The following SORCS3 variants were observed in gnomAD, a reference collection of about 807,000 sequenced individuals.
SORCS3 encodes sortilin related VPS10 domain containing receptor 3.
In SORCS3, 57 loss-of-function variants were observed where a neutral mutation model predicts 146.3. That is an observed-to-expected ratio of 0.39 (90% CI 0.31 to 0.49). SORCS3 has a LOEUF of 0.49. Ranked by LOEUF, SORCS3 falls within the 20% of genes least tolerant of loss-of-function variation. The probability of loss-of-function intolerance (pLI) is 0.92; values close to 1 mark genes in which losing one functional copy is unlikely to be tolerated. For missense variants in SORCS3, 1,341 were observed against 1,575.5 expected (o/e 0.85, Z 2.52); for synonymous variants, 653 against 618.5 (o/e 1.06, Z -0.83).
chr10:105,022,230 T>C (rs1209230183), intron 4 of SORCS3, among the ~76,000 whole-genome samples: 1 of 152,130 alleles, frequency 6.6e-6, no homozygotes, highest in Non-Finnish European at 1.5e-5. Flanking sequence ...TCTCATCAAT[T>C]TTACAAATCT....
intron 2 of SORCS3, among the ~76,000 whole-genome samples, chr10:104,843,415 A>G (rs537356473): frequency 4.7e-4 from 71 of 152,344 alleles, no homozygotes; most frequent in Non-Finnish European, 8.7e-4. Context: ...CTGTTTTACC[A>G]CTGCGTTGGT....
At chr10:104,864,966 C>A (rs2018444367) in intron 2 of SORCS3, among the ~76,000 whole-genome samples, 1 of 152,172 alleles carries the variant, frequency 6.6e-6, no homozygotes, top group African/African-American at 2.4e-5. Flanking sequence ...AGTATCTCTT[C>A]CCCAGAGAGG....
intron 2 of SORCS3, among the ~76,000 whole-genome samples, chr10:104,881,615 A>G (rs1207877406): frequency 6.6e-6 from 1 of 152,180 alleles, no homozygotes; most frequent in Non-Finnish European, 1.5e-5. Context: ...TAAGAATGGA[A>G]GGGTGGGTAT....
chr10:105,099,215 C>T (rs1372915807), intron 6 of SORCS3, among the ~76,000 whole-genome samples: 1 of 152,128 alleles, frequency 6.6e-6, no homozygotes, highest in Admixed American at 6.5e-5. Flanking sequence ...CTTGTTTTCA[C>T]TTATTTTCAT....
chr10:105,046,571 A>G (rs1448294277), intron 5 of SORCS3, among the ~76,000 whole-genome samples: 2 of 152,134 alleles, frequency 1.3e-5, no homozygotes, highest in African/African-American at 4.8e-5. Context: ...TACATTGGAA[A>G]TTGTAAGGAG....
chr10:104,712,983 G>A (rs2016435996), intron 1 of SORCS3, among the ~76,000 whole-genome samples: 1 of 152,026 alleles, frequency 6.6e-6, no homozygotes, highest in South Asian at 2.1e-4. Flanking sequence ...GCTATGGGTG[G>A]GATTTCAGAT....
chr10:104,845,036 C>T (rs2018187711), intron 2 of SORCS3, among the ~76,000 whole-genome samples: 1 of 152,106 alleles, frequency 6.6e-6, no homozygotes, highest in African/African-American at 2.4e-5. Context: ...CTTGCTATTC[C>T]TCCAACGTAC....
chr10:105,196,302 T>G (rs1370862265), intron 14 of SORCS3, among the ~76,000 whole-genome samples: 1 of 152,224 alleles, frequency 6.6e-6, no homozygotes, highest in Non-Finnish European at 1.5e-5. Flanking sequence ...AACCTTTGTC[T>G]GTTAGAAAGT....
intron 4 of SORCS3, among the ~76,000 whole-genome samples, chr10:104,992,868 A>G (rs952230472): frequency 5.9e-5 from 9 of 152,178 alleles, no homozygotes; most frequent in African/African-American, 2.2e-4. Flanking sequence ...AAACGTCTAG[A>G]AAGAAACCTT....
intron 20 of SORCS3, among the ~76,000 whole-genome samples, chr10:105,230,641 A>G (rs749304): frequency 0.23 from 35,499 of 152,042 alleles, 4,108 homozygotes; most frequent in South Asian, 0.3. Flanking sequence ...GGTGCAATAA[A>G]TGCACAGTGG....
At chr10:105,244,580 A>G (rs1056274717) in intron 20 of SORCS3, among the ~76,000 whole-genome samples, 20 of 152,116 alleles carry the variant, frequency 1.3e-4, no homozygotes, top group African/African-American at 4.8e-4. Context: ...ATCCTTGAGA[A>G]CTTCCTATAT....
At chr10:104,740,254 C>T (rs1038850603) in intron 1 of SORCS3, among the ~76,000 whole-genome samples, 2 of 152,032 alleles carry the variant, frequency 1.3e-5, no homozygotes, top group African/African-American at 4.8e-5. Context: ...AATTTGTGGC[C>T]CCCTTTCTCC....
At chr10:104,839,317 C>T (rs1306901199) in intron 1 of SORCS3, among the ~76,000 whole-genome samples, 2 of 152,050 alleles carry the variant, frequency 1.3e-5, no homozygotes, top group African/African-American at 4.8e-5. Context: ...TTTTTGATGT[C>T]TGGGATAATC....
chr10:105,176,860 A>C (rs1411827406), intron 13 of SORCS3, among the ~76,000 whole-genome samples: 1 of 151,546 alleles, frequency 6.6e-6, no homozygotes, highest in Non-Finnish European at 1.5e-5. Flanking sequence ...TCTCAAACAA[A>C]CAAACAAACA....
intron 9 of SORCS3, among the ~76,000 whole-genome samples, chr10:105,152,597 A>G (rs2056175324): frequency 1.3e-5 from 2 of 152,302 alleles, no homozygotes; most frequent in South Asian, 4.2e-4. Context: ...GTTATTCTCA[A>G]CAAACTTAAA....
chr10:104,760,800 C>T (rs1367827591), intron 1 of SORCS3, among the ~76,000 whole-genome samples: 1 of 152,048 alleles, frequency 6.6e-6, no homozygotes, highest in Admixed American at 6.6e-5. Context: ...GATTCAGAGA[C>T]AAGCAGTCTT....
At chr10:105,242,668 A>T (rs1456493998) in intron 20 of SORCS3, among the ~76,000 whole-genome samples, 2 of 100,684 alleles carry the variant, frequency 2.0e-5, no homozygotes, top group African/African-American at 8.4e-5. Context: ...ATTTATATAT[A>T]TTTATATATA....
intron 2 of SORCS3, among the ~76,000 whole-genome samples, chr10:104,866,536 T>C (rs1045650483): frequency 1.3e-5 from 2 of 152,228 alleles, no homozygotes; most frequent in African/African-American, 2.4e-5. Flanking sequence ...TTTTGAAAAC[T>C]AGATGCCTCA....
chr10:105,199,487 T>C (rs1049223139), intron 14 of SORCS3, among the ~76,000 whole-genome samples: 46 of 152,180 alleles, frequency 3.0e-4, no homozygotes, highest in South Asian at 2.1e-4. Context: ...ACTAGGACTT[T>C]GCAGTTGGCA....
Sources: gnomAD v4.1 joint callset for allele counts (sites outside exome capture counted in the v4.1 genomes callset) on GRCh38, gnomAD v4.1.1 for gene constraint, MANE v1.5 for transcripts, NCBI Gene and HGNC (gene_info 2026-07-23, HGNC 2026-07-21) for gene names.